ITGA3: variants seen among roughly 807,000 people sequenced by gnomAD.
ITGA3 encodes integrin subunit alpha 3.
ITGA3 carries 70 observed loss-of-function variants against 131.1 expected under a neutral mutation model. The observed-to-expected ratio is 0.53, with a 90% CI of 0.44 to 0.65. ITGA3 has a LOEUF of 0.65. Ranked by LOEUF, ITGA3 falls within the 30% of genes least tolerant of loss-of-function variation. The pLI is 0.00. For synonymous variants in ITGA3, 537 were observed against 571.6 expected, an observed-to-expected ratio of 0.94 and a Z score of 0.86; for missense variants, 1,098 against 1,388.6, an observed-to-expected ratio of 0.79 and a Z score of 3.33.
rs756840406 is a variant in ITGA3 at position 50,090,285 on chromosome 17, T to C, written c.*1207T>C. 6.6e-6 allele frequency: 3 copies of C among 456,350 alleles called. No individual in the cohort carries two copies. The highest frequency in any genetic ancestry group is 7.0e-5 in the East Asian group (1 of 14,362). 28.3% of individuals were successfully genotyped at this position (456,350 alleles called of 1,614,324 possible). On this transcript the variant is annotated 3_prime_UTR_variant, in exon 26 of 26. Transcript: ENST00000320031. ...CAGCCTGGCTCTGCCCCCTCCCCCA[T>C]GGGCTGTGTCCTAAGGCCCATTTGA...
At chr17:50,078,766 CT>C (rs1396768502) in intron 18 of ITGA3, 57 bp from the exon 19 acceptor site, 1 of 1,028,534 alleles carries the variant, frequency 9.7e-7, no homozygotes, top group Non-Finnish European at 1.5e-6. Flanking sequence ...GCCCACCCCC[CT>C]CTGCCAGGGC....
intron 4 of ITGA3, among the ~76,000 whole-genome samples, chr17:50,069,075 C>G (rs563866015): frequency 1.1e-4 from 16 of 151,916 alleles, no homozygotes; most frequent in African/African-American, 3.4e-4. Flanking sequence ...GTCTCAATCT[C>G]CTGACCTCGT....
chr17:50,080,505 T>TGTGTGTGA lies in ITGA3; in HGVS notation c.2820+131_2820+132insTGTGTGAG, dbSNP rs577531446. 981 of 526,978 alleles carry TGTGTGTGA rather than the reference T, an allele frequency of 1.9e-3. 3 individuals are homozygous for TGTGTGTGA. Among genetic ancestry groups the TGTGTGTGA allele is most frequent in the East Asian group, 6.4e-3 (198 of 30,750 alleles). 32.6% of individuals were successfully genotyped at this position (526,978 alleles called of 1,614,324 possible). On this transcript the variant is annotated intron_variant, in intron 22 of 25. Coordinates refer to ENST00000320031, the MANE Select transcript of ITGA3 (RefSeq NM_002204.4). ...GTGTGTGTGTGTGTGTGTGTGTGTGTGATTTGCGTGTCTTTGCATGGATGT... is the reference window on the plus strand; with the variant it reads ...GTGTGTGTGTGTGTGTGTGTGTGTGTGTGTGTGAGATTTGCGTGTCTTTGCATGGATGT...
chr17:50,064,454 C>G lies in ITGA3; in HGVS notation c.335-74C>G. On this transcript the variant is annotated intron_variant, in intron 2 of 25. Coordinates refer to ENST00000320031, the MANE Select transcript of ITGA3 (RefSeq NM_002204.4). This position sits in a 1 kb window ranked among gnomAD's most constrained non-coding sequence, Gnocchi z 4.4. ...GTGGAGGGCCCAAGCGGGACCCACT[C>G]CTGCCCTCTGGAGACTTTGGGCACT... is the stretch of plus-strand genomic sequence containing the variant. The G allele has an allele frequency of 1.4e-6, 2 of 1,437,950 alleles. No homozygotes were observed. Among genetic ancestry groups the G allele is most frequent in the Non-Finnish European group, 1.9e-6 (2 of 1,051,016 alleles). The allele number at this position is 1,437,950 out of a possible 1,614,324, so 89.1% of individuals were successfully genotyped here. A position where few individuals can be genotyped will look rare whatever the true frequency, so the allele number is the denominator to read the frequency against.
intron 1 of ITGA3, among the ~76,000 whole-genome samples, chr17:50,061,768 G>T (rs1051490824): frequency 6.6e-6 from 1 of 152,154 alleles, no homozygotes; most frequent in Non-Finnish European, 1.5e-5. Context: ...AGCCAGGCAC[G>T]GTGGCTCACG....
Position 50,076,579 on chromosome 17 carries a change from C to G in ITGA3, c.1825-5C>G, listed in dbSNP as rs184951071. ...GCGGCCTTCACACCTCCGGCCACCC[C>G]CCAGGTCCAGTTCCAGAAGGAGTGC... On this transcript the variant is annotated splice_polypyrimidine_tract_variant and splice_region_variant and intron_variant, in intron 13 of 25. Transcript: ENST00000320031. 14 of 1,612,794 alleles carry G rather than the reference C, an allele frequency of 8.7e-6. No individual in the cohort carries two copies. Among genetic ancestry groups the G allele is most frequent in the South Asian group, 7.7e-5 (7 of 91,086 alleles).
intron 1 of ITGA3, among the ~76,000 whole-genome samples, chr17:50,058,802 C>A (rs993878797): frequency 2.0e-5 from 3 of 152,344 alleles, no homozygotes; most frequent in South Asian, 2.1e-4. Flanking sequence ...CTCAGAGGAA[C>A]TAACTAGTAA....
At position 50,078,250 on chromosome 17, in the gene ITGA3, C is replaced by T; in HGVS notation, c.2263C>T (p.Leu755=). The part of the protein sequence containing the change: ...DNLWPMILTL[L]VDYTLQTSLS... ...CCTGTGGCCCATGATCCTCACTCTGCTGGTGGACTATACACTCCAGACCTC... is the reference window on the plus strand; with the variant it reads ...CCTGTGGCCCATGATCCTCACTCTGTTGGTGGACTATACACTCCAGACCTC... Residue 755 remains leucine (L), a synonymous_variant, in exon 18 of 26, where the codon CTG becomes TTG. Coordinates refer to ENST00000320031, the MANE Select transcript of ITGA3 (RefSeq NM_002204.4). 35 of 1,614,024 alleles carry T rather than the reference C, an allele frequency of 2.2e-5. No individual in the cohort carries two copies. Among genetic ancestry groups the T allele is most frequent in the Non-Finnish European group, 3.0e-5 (35 of 1,179,946 alleles).
At chr17:50,071,910 C>T in intron 6 of ITGA3, 76 bp from the exon 7 acceptor site, 5 of 1,347,924 alleles carry the variant, frequency 3.7e-6, no homozygotes, top group Non-Finnish European at 4.1e-6. Flanking sequence ...CTGGCACAGT[C>T]ACACCTGTCA....
chr17:50,072,937 A>T (rs753097858), intron 7 of ITGA3, among the ~76,000 whole-genome samples: 5 of 152,238 alleles, frequency 3.3e-5, no homozygotes, highest in Non-Finnish European at 5.9e-5. Context: ...CTTATCTGAA[A>T]GTCACTTCTC....
Position 50,071,408 on chromosome 17 carries a change from G to A in ITGA3, c.849G>A (p.Leu283=). ...PRHRHMGAVF[L]LSQEAGGDLR... Reference sequence around the variant, plus strand: ...ACCGACATATGGGCGCGGTGTTCTTGCTGAGCCAGGAGGCAGGCGGAGACC... The same window carrying A: ...ACCGACATATGGGCGCGGTGTTCTTACTGAGCCAGGAGGCAGGCGGAGACC... Residue 283 remains leucine, a synonymous_variant, in exon 6 of 26, where the codon TTG becomes TTA. Transcript: ENST00000320031. The A allele has an allele frequency of 6.2e-7, 1 of 1,614,198 alleles. No homozygotes were observed. Among genetic ancestry groups the A allele is most frequent in the Non-Finnish European group, 8.5e-7 (1 of 1,180,048 alleles).
chr17:50,075,851 C>T (rs1364961742), intron 12 of ITGA3, 116 bp downstream of exon 12: 6 of 1,088,128 alleles, frequency 5.5e-6, no homozygotes, highest in Non-Finnish European at 8.1e-6. Context: ...AGGTTGGGGA[C>T]ATCGGTTTGG....
At position 50,078,873 on chromosome 17, in the gene ITGA3, T is replaced by C; in HGVS notation, c.2347T>C (p.Ser783Pro). ...SFFGGTVMGE[S>P]GMKTVEDVGS... ...CTTTGGGGGGACAGTGATGGGTGAGTCTGGCATGAAAACTGTGGAGGATGT... is the reference window on the plus strand; with the variant it reads ...CTTTGGGGGGACAGTGATGGGTGAGCCTGGCATGAAAACTGTGGAGGATGT... Residue 783 changes from serine (S) to proline (P), a missense_variant, in exon 19 of 26, where the codon TCT becomes CCT. Coordinates refer to ENST00000320031, the MANE Select transcript of ITGA3 (RefSeq NM_002204.4). 6.2e-7 allele frequency: 1 copy of C among 1,613,596 alleles called. No individual in the cohort carries two copies. The highest frequency in any genetic ancestry group is 8.5e-7 in the Non-Finnish European group (1 of 1,179,636).
chr17:50,077,147 G>A, intron 15 of ITGA3, 26 bp downstream of exon 15: 1 of 1,519,644 alleles, frequency 6.6e-7, no homozygotes, highest in Non-Finnish European at 8.9e-7. Flanking sequence ...CCGGCTCAGA[G>A]CCCAAGCAGG....
chr17:50,078,999 G>A, intron 19 of ITGA3, 73 bp downstream of exon 19: 6 of 1,519,996 alleles, frequency 3.9e-6, no homozygotes, highest in Non-Finnish European at 4.6e-6. Context: ...GGGGTCTGAA[G>A]GTGGGAGGGT....
intron 3 of ITGA3, among the ~76,000 whole-genome samples, chr17:50,067,643 T>C (rs1908401685): frequency 6.6e-6 from 1 of 152,230 alleles, no homozygotes; most frequent in Non-Finnish European, 1.5e-5. Context: ...CTGCTGCTAT[T>C]ATTATTACCG....
In ITGA3 at chr17:50,088,377, C is replaced by T. The variant is rs1341147129; in HGVS notation, c.*31+11C>T. 1.4e-6 allele frequency: 2 copies of T among 1,437,004 alleles called. No individual in the cohort carries two copies. The allele number at this position is 1,437,004 out of a possible 1,614,324, so 89.0% of individuals were successfully genotyped here. On this transcript the variant is annotated intron_variant, in intron 25 of 25. Coordinates refer to ENST00000320031, the MANE Select transcript of ITGA3 (RefSeq NM_002204.4). Reference sequence around the variant, plus strand: ...CCCCGGCCCACCTGGGTAACACGGCCTCCGGGCCCCCTTCCCCGAGCCCCA... The same window carrying T: ...CCCCGGCCCACCTGGGTAACACGGCTTCCGGGCCCCCTTCCCCGAGCCCCA...
At position 50,074,244 on chromosome 17, in the gene ITGA3, T is replaced by C; in HGVS notation, c.1346T>C (p.Leu449Pro). The change falls in exon 9 of 26, where the codon CTA becomes CCA. Residue 449 changes from leucine (L) to proline (P), a missense_variant. Leu to Pro is a moderately conservative substitution (Grantham distance 98). Around this residue, in one of 3 missense-constraint regions of ITGA3, gnomAD observed 699 missense variants for 829.2 expected, o/e 0.84. Transcript: ENST00000320031. ...GATGAGAACTTCTACCCAGACCTTC[T>C]AGTGGGAAGCCTGTCAGACCACATT... ...DVDENFYPDL[L>P]VGSLSDHIVL... 6.2e-7 allele frequency: 1 copy of C among 1,614,198 alleles called. No homozygotes were observed. The highest frequency in any genetic ancestry group is 8.5e-7 in the Non-Finnish European group (1 of 1,179,996).
In ITGA3 at chr17:50,062,043, A is replaced by G. The variant is rs559719724; in HGVS notation, c.207-2034A>G. On this transcript the variant is annotated intron_variant, in intron 1 of 25. Transcript: ENST00000320031. ...TGACAGAGCAAGACCCTGTCTCAAAAAAAAAAAAAAAAAGAAAGAAAAAAA... is the reference window on the plus strand; with the variant it reads ...TGACAGAGCAAGACCCTGTCTCAAAGAAAAAAAAAAAAAGAAAGAAAAAAA... Among the ~76,000 whole-genome samples the G allele has an allele frequency of 4.0e-5, 6 of 150,968 alleles. No homozygotes were observed. In the South Asian group the frequency reaches 8.4e-4, roughly 21 times the overall value.
Sources: allele counts gnomAD v4.1 joint callset (sites outside exome capture counted in the v4.1 genomes callset), GRCh38; gene constraint gnomAD v4.1.1; regional missense constraint gnomAD v4.1.1; non-coding constraint Gnocchi (gnomAD v3.1); transcripts MANE v1.5; gene names NCBI Gene and HGNC (gene_info 2026-07-23, HGNC 2026-07-21).